NOTCH1: variants seen among roughly 807,000 people sequenced by gnomAD.
NOTCH1 encodes notch receptor 1.
A neutral mutation model predicts 254.8 loss-of-function variants in NOTCH1; 37 were observed. The observed-to-expected ratio is 0.15, with a 90% CI of 0.11 to 0.19. The LOEUF (loss-of-function observed/expected upper bound fraction) is 0.19. Ranked by LOEUF, NOTCH1 falls within the 10% of genes least tolerant of loss-of-function variation. The pLI is 1.00. For synonymous variants in NOTCH1, 1,731 were observed against 1,618.1 expected (o/e 1.07, Z -1.68); for missense variants, 2,972 against 3,708.6 (o/e 0.80, Z 5.16).
In NOTCH1 at chr9:136,495,151, G is replaced by A. The variant is rs1464342056; in HGVS notation, c.*920C>T. The A allele has an allele frequency of 2.5e-6, 1 of 399,136 alleles. No individual in the cohort carries two copies. The highest frequency in any genetic ancestry group is 4.4e-6 in the Non-Finnish European group (1 of 226,102). 24.7% of individuals were successfully genotyped at this position (399,136 alleles called of 1,614,324 possible). ...GGTGCTGGGGCCGCCACCGGGGTCA[G>A]CCCAGGCAGTGTCTTTCCCCAGAAA... On this transcript the variant is annotated 3_prime_UTR_variant, in exon 34 of 34. Coordinates refer to ENST00000651671, the MANE Select transcript of NOTCH1 (RefSeq NM_017617.5).
rs769903954 is a variant in NOTCH1 at position 136,507,983 on chromosome 9, G to A, written c.3482C>T (p.Thr1161Met). ...GCAGGAGTAGCCGCCCAGGTAGTCC[G>A]TGCAGGTGGCCCCGTTCTGGCAGGG... ...PSPCQNGATC[T>M]DYLGGYSCKC... Residue 1161 changes from threonine to methionine, a missense_variant, in exon 21 of 34, where the codon ACG (threonine) becomes ATG (methionine). Around this residue, in one of 8 missense-constraint regions of NOTCH1, gnomAD observed 1,343 missense variants for 1,557.0 expected, o/e 0.86. Transcript: ENST00000651671. 21 of 1,612,456 alleles carry A rather than the reference G, an allele frequency of 1.3e-5. No homozygotes were observed. The highest frequency in any genetic ancestry group is 4.4e-5 in the South Asian group (4 of 91,090).
At chr9:136,539,380 G>T (rs566576111) in intron 2 of NOTCH1, among the ~76,000 whole-genome samples, 234 of 151,914 alleles carry the variant, frequency 1.5e-3, no homozygotes, top group Admixed American at 3.5e-3. Context: ...ACTGTGTGGG[G>T]TTTTTTTTGT....
Position 136,506,688 on chromosome 9 carries a change from G to T in NOTCH1, c.3901+28C>A, listed in dbSNP as rs376406223. ...AGAGGCTCACCCTGCTGCCCCACAC[G>T]CCCCACCCGCCTGGGCGCGGCACCC... On this transcript the variant is annotated intron_variant, in intron 23 of 33. Transcript: ENST00000651671. This position sits in a 1 kb window ranked among gnomAD's most constrained non-coding sequence, Gnocchi z 4.5. 1.3e-6 allele frequency: 2 copies of T among 1,595,502 alleles called. No homozygotes were observed. The highest frequency in any genetic ancestry group is 8.5e-7 in the Non-Finnish European group (1 of 1,171,944).
At chr9:136,536,039 G>T (rs1389422913) in intron 2 of NOTCH1, among the ~76,000 whole-genome samples, 1 of 151,904 alleles carries the variant, frequency 6.6e-6, no homozygotes, top group Non-Finnish European at 1.5e-5. Context: ...TACAGGGTAG[G>T]GGGGCGCACT....
At chr9:136,499,613 C>T (rs1842966304) in intron 31 of NOTCH1, among the ~76,000 whole-genome samples, 4 of 152,232 alleles carry the variant, frequency 2.6e-5, no homozygotes, top group Non-Finnish European at 4.4e-5. Flanking sequence ...ACTCAGGAAG[C>T]CGGGCTCACG....
At chr9:136,508,803 C>T (rs1843130357) in intron 19 of NOTCH1, 67 bp downstream of exon 19, 1 of 1,456,534 alleles carries the variant, frequency 6.9e-7, no homozygotes, top group Admixed American at 2.0e-5. Flanking sequence ...TGACCGTTCC[C>T]ACCTCCCGCA....
chr9:136,510,835 C>T, intron 16 of NOTCH1, 30 bp from the exon 17 acceptor site: 1 of 1,604,424 alleles, frequency 6.2e-7, no homozygotes, highest in Non-Finnish European at 8.5e-7. Context: ...CGGTTGGTCA[C>T]CAGCGGCCCC....
At chr9:136,518,431 A>C in intron 6 of NOTCH1, 139 bp from the exon 7 acceptor site, 1 of 1,257,900 alleles carries the variant, frequency 7.9e-7, no homozygotes, top group Non-Finnish European at 1.1e-6. Flanking sequence ...GACACTTGGG[A>C]CGTTCCGGGG....
chr9:136,497,205 T>G lies in NOTCH1; in HGVS notation c.6534A>C (p.Ala2178=), dbSNP rs1023720594. 1 of 1,612,806 alleles carries G rather than the reference T, an allele frequency of 6.2e-7. No individual in the cohort carries two copies. The highest frequency in any genetic ancestry group is 1.3e-5 in the African/African-American group (1 of 75,058). Residue 2178 remains alanine (A), a synonymous_variant, in exon 34 of 34, where the codon GCA becomes GCC. Coordinates refer to ENST00000651671, the MANE Select transcript of NOTCH1 (RefSeq NM_017617.5). The part of the protein sequence containing the change: ...CGSKEAKDLK[A]RRKKSQDGKG... ...TGCCGTCCTGGGACTTCTTCCTCCG[T>G]GCCTTGAGGTCCTTGGCCTCCTTGC...
chr9:136,529,004 G>A (rs1051847477), intron 2 of NOTCH1, among the ~76,000 whole-genome samples: 5 of 152,130 alleles, frequency 3.3e-5, no homozygotes, highest in African/African-American at 1.2e-4. Flanking sequence ...TCTGCCCAGA[G>A]GGGAGTCTAG....
At chr9:136,536,924 C>T (rs1843665769) in intron 2 of NOTCH1, among the ~76,000 whole-genome samples, 1 of 152,254 alleles carries the variant, frequency 6.6e-6, no homozygotes, top group South Asian at 2.1e-4. Context: ...TGTGGACGCT[C>T]AGTGACCGCG....
intron 4 of NOTCH1, among the ~76,000 whole-genome samples, chr9:136,522,017 G>A (rs1414418222): frequency 5.5e-5 from 8 of 144,238 alleles, no homozygotes; most frequent in Admixed American, 2.9e-4. Flanking sequence ...TCGCTCTGTC[G>A]CCCAGGCTGG....
Position 136,513,012 on chromosome 9 carries a change from A to G in NOTCH1, c.2467+9T>C. 1 of 422,830 alleles carries G rather than the reference A, an allele frequency of 2.4e-6. No individual in the cohort carries two copies. Among genetic ancestry groups the G allele is most frequent in the Non-Finnish European group, 3.5e-6 (1 of 282,608 alleles). The allele number at this position is 422,830 out of a possible 1,614,324, so 26.2% of individuals were successfully genotyped here. A position where few individuals can be genotyped will look rare whatever the true frequency, so the allele number is the denominator to read the frequency against. On this transcript the variant is annotated intron_variant, in intron 15 of 33. Coordinates refer to ENST00000651671, the MANE Select transcript of NOTCH1 (RefSeq NM_017617.5). This position sits in a 1 kb window ranked among gnomAD's most constrained non-coding sequence, Gnocchi z 4.7. Reference sequence around the variant, plus strand: ...GCCCCCTCCAGCACAGGCCCCACCCACCCCTCACCTGTGTAGGGCAGCAGG... The same window carrying G: ...GCCCCCTCCAGCACAGGCCCCACCCGCCCCTCACCTGTGTAGGGCAGCAGG...
In NOTCH1 at chr9:136,505,360, G is replaced by T; in HGVS notation, c.4536C>A (p.Ala1512=). The T allele has an allele frequency of 6.2e-7, 1 of 1,607,850 alleles. No individual in the cohort carries two copies. ...AGTCAAAGCCGTCGAAGAGGCAGCC[G>T]GCTGAGTTGCACTGGCTGTCACAGT... The part of the protein sequence containing the change: ...DGHCDSQCNS[A]GCLFDGFDCQ... The change falls in exon 25 of 34, where the codon GCC becomes GCA. Residue 1512 remains alanine (A), a synonymous_variant. Coordinates refer to ENST00000651671, the MANE Select transcript of NOTCH1 (RefSeq NM_017617.5).
chr9:136,505,295 GC>G lies in NOTCH1; in HGVS notation c.4586+14del. ...TTCAGGTCCTCCCTCAGCCCCATGA[GC>G]CCCGCAGCCTTACTTGCACTGGCCT... On this transcript the variant is annotated intron_variant, in intron 25 of 33. Coordinates refer to ENST00000651671, the MANE Select transcript of NOTCH1 (RefSeq NM_017617.5). 5.1e-6 allele frequency: 8 copies of G among 1,557,444 alleles called. No individual in the cohort carries two copies. The highest frequency in any genetic ancestry group is 6.9e-6 in the Non-Finnish European group (8 of 1,151,356).
intron 15 of NOTCH1, 85 bp downstream of exon 15, chr9:136,512,936 C>G: frequency 2.2e-6 from 1 of 455,002 alleles, no homozygotes; most frequent in Non-Finnish European, 3.8e-6. Flanking sequence ...CCCTCTCCAG[C>G]ACAGGCTCCG....
intron 3 of NOTCH1, among the ~76,000 whole-genome samples, chr9:136,523,434 G>T (rs1283130664): frequency 6.6e-6 from 1 of 152,248 alleles, no homozygotes; most frequent in African/African-American, 2.4e-5. Flanking sequence ...ACCCTAACAG[G>T]TGAGGGCCAG....
At position 136,499,337 on chromosome 9, in the gene NOTCH1, C is replaced by T. The variant is rs112987283; in HGVS notation, c.5935-78G>A. 145 of 1,561,672 alleles carry T rather than the reference C, an allele frequency of 9.3e-5. No individual in the cohort carries two copies. The African/African-American group carries it at 1.2e-3, about 13-fold the overall frequency. ...CTCCTGCCCAGAACGAACGCCTGGA[C>T]GGGAAGCCCCACTGTCTTCCGGACA... On this transcript the variant is annotated intron_variant, in intron 31 of 33. Transcript: ENST00000651671.
At position 136,496,351 on chromosome 9, in the gene NOTCH1, G is replaced by A. The variant is rs1168359363; in HGVS notation, c.7388C>T (p.Ala2463Val). Reference protein sequence around the residue: ...VHTILPQESPALPTSLPSSLV... With the variant: ...VHTILPQESPVLPTSLPSSLV... ...CGAGGATGGCAGCGACGTGGGCAGG[G>A]CGGGGCTCTCCTGGGGCAGAATAGT... The change falls in exon 34 of 34, where the codon GCC (alanine) becomes GTC (valine). Residue 2463 changes from alanine (A) to valine (V), a missense_variant. By Grantham distance (64) the Ala-to-Val change is moderately conservative. Transcript: ENST00000651671. 1 of 1,593,842 alleles carries A rather than the reference G, an allele frequency of 6.3e-7. No homozygotes were observed. Among genetic ancestry groups the A allele is most frequent in the South Asian group, 1.1e-5 (1 of 89,710 alleles).
Sources: allele counts gnomAD v4.1 joint callset (sites outside exome capture counted in the v4.1 genomes callset), GRCh38; gene constraint gnomAD v4.1.1; regional missense constraint gnomAD v4.1.1; non-coding constraint Gnocchi (gnomAD v3.1); transcripts MANE v1.5; gene names NCBI Gene and HGNC (gene_info 2026-07-23, HGNC 2026-07-21).